Variants in MGAT5 observed in about 807,000 individuals in gnomAD.
The protein encoded by MGAT5 is alpha-1,6-mannosylglycoprotein 6-beta-N-acetylglucosaminyltransferase.
A neutral mutation model predicts 94.3 loss-of-function variants in MGAT5; 30 were observed. The ratio of observed to expected loss-of-function variants is 0.32; its 90% CI spans 0.24 to 0.43. The LOEUF (loss-of-function observed/expected upper bound fraction) is 0.43, where lower values mean the gene tolerates loss of function less well. Among genes scored for constraint, MGAT5 ranks in the 20% least tolerant of loss-of-function variants. The pLI, the probability that MGAT5 is intolerant of heterozygous loss-of-function variation, is 1.00. For synonymous variants in MGAT5, 310 were observed against 322.9 expected, an observed-to-expected ratio of 0.96 and a Z score of 0.43; for missense variants, 691 against 905.5, an observed-to-expected ratio of 0.76 and a Z score of 3.04.
intron 1 of MGAT5, among the ~76,000 whole-genome samples, chr2:134,259,072 A>G (rs755221190): frequency 1.1e-4 from 17 of 152,246 alleles, no homozygotes; most frequent in Non-Finnish European, 1.9e-4. Flanking sequence ...GGCAACTCCA[A>G]AGTGATACTC....
At chr2:134,318,812 GA>G in intron 4 of MGAT5, 73 bp downstream of exon 4, 1 of 1,038,102 alleles carries the variant, frequency 9.6e-7, no homozygotes, top group Non-Finnish European at 1.5e-6. Flanking sequence ...TCTGAAATTT[GA>G]AAAGCTTGAA....
Position 134,441,823 on chromosome 2 carries a change from C to T in MGAT5, c.1935C>T (p.Pro645=), listed in dbSNP as rs148653542. 1.9e-5 allele frequency: 30 copies of T among 1,613,906 alleles called. No individual in the cohort carries two copies. The highest frequency in any genetic ancestry group is 1.6e-4 in the African/African-American group (12 of 74,876). ...CCCTACAGGTCAAGCTTGCTGAGCC[C>T]GGGCAGTCCTGCAAGCAGGTGTGCC... ...LSALQVKLAE[P]GQSCKQVCQE... Residue 645 remains proline, a synonymous_variant, in exon 15 of 16, where the codon CCC becomes CCT. Coordinates refer to ENST00000281923, the MANE Select transcript of MGAT5 (RefSeq NM_002410.5).
intron 1 of MGAT5, among the ~76,000 whole-genome samples, chr2:134,129,302 G>C (rs960563169): frequency 2.8e-4 from 42 of 152,276 alleles, no homozygotes; most frequent in African/African-American, 9.4e-4. Flanking sequence ...TCACCAAGCT[G>C]GGAAAAGTTC....
At chr2:134,130,553 C>CG (rs1686102677) in intron 1 of MGAT5, among the ~76,000 whole-genome samples, 1 of 151,926 alleles carries the variant, frequency 6.6e-6, no homozygotes, top group African/African-American at 2.4e-5. Context: ...GTGTCTGGCT[C>CG]CGGGGTTTGT....
At chr2:134,185,857 G>A (rs1471708339) in intron 1 of MGAT5, among the ~76,000 whole-genome samples, 2 of 152,188 alleles carry the variant, frequency 1.3e-5, no homozygotes, top group East Asian at 3.8e-4. Flanking sequence ...GAGATGCAGA[G>A]GCTGCTGTCC....
intron 1 of MGAT5, among the ~76,000 whole-genome samples, chr2:134,124,094 G>A (rs1334322586): frequency 1.3e-5 from 2 of 152,190 alleles, no homozygotes; most frequent in African/African-American, 4.8e-5. Flanking sequence ...CATCTGCCAT[G>A]TGCTGTGCAC....
chr2:134,434,568 A>G (rs1685066364), intron 14 of MGAT5, among the ~76,000 whole-genome samples: 1 of 152,202 alleles, frequency 6.6e-6, no homozygotes, highest in African/African-American at 2.4e-5. Flanking sequence ...GCTACTGTCA[A>G]AGCCTCAAGA....
At position 134,333,351 on chromosome 2, in the gene MGAT5, G is replaced by C. The variant is rs997735520; in HGVS notation, c.574-2866G>C. On this transcript the variant is annotated intron_variant, in intron 4 of 15. Transcript: ENST00000281923. ...TTGCAAGGACACAAAACCAAACACC[G>C]CATGTTCTCACTCATAGGTGGGAAT... 4.8e-5 allele frequency among the ~76,000 whole-genome samples: 7 copies of C among 145,662 alleles called. No homozygotes were observed. The East Asian group carries it at 6.2e-4, about 13-fold the overall frequency.
At chr2:134,161,756 T>G (rs1687744274) in intron 1 of MGAT5, among the ~76,000 whole-genome samples, 1 of 152,210 alleles carries the variant, frequency 6.6e-6, no homozygotes, top group Admixed American at 6.5e-5. Flanking sequence ...CTCCTTTTGT[T>G]AGAATAGTTT....
chr2:134,285,488 G>C (rs1684946714), intron 2 of MGAT5, among the ~76,000 whole-genome samples: 1 of 151,996 alleles, frequency 6.6e-6, no homozygotes, highest in Non-Finnish European at 1.5e-5. Flanking sequence ...AAACAGAATG[G>C]CTAGGTCAAA....
chr2:134,381,744 T>C (rs1284252558), intron 10 of MGAT5, among the ~76,000 whole-genome samples: 1 of 152,214 alleles, frequency 6.6e-6, no homozygotes, highest in Non-Finnish European at 1.5e-5. Context: ...GGCTCTTAAA[T>C]GCAAGTCTTA....
chr2:134,426,732 T>C (rs986648652), intron 13 of MGAT5, among the ~76,000 whole-genome samples: 11 of 150,180 alleles, frequency 7.3e-5, no homozygotes, highest in Non-Finnish European at 1.5e-4. Context: ...GAAAAAATTT[T>C]ACATTTTGTG....
intron 1 of MGAT5, among the ~76,000 whole-genome samples, chr2:134,201,911 A>C (rs1217149228): frequency 6.8e-6 from 1 of 147,786 alleles, no homozygotes; most frequent in African/African-American, 2.5e-5. Flanking sequence ...GCTCCATGCT[A>C]ATATGTAGTT....
intron 1 of MGAT5, among the ~76,000 whole-genome samples, chr2:134,200,879 G>T (rs1275745527): frequency 6.6e-6 from 1 of 152,068 alleles, no homozygotes; most frequent in Admixed American, 6.5e-5. Context: ...AAAAAAATTA[G>T]CCCAGTGTTG....
chr2:134,290,932 T>A (rs574620920), intron 2 of MGAT5, among the ~76,000 whole-genome samples: 1 of 152,328 alleles, frequency 6.6e-6, no homozygotes, highest in South Asian at 2.1e-4. Context: ...AAGTGCTTAT[T>A]GCGTGTCTTC....
intron 2 of MGAT5, among the ~76,000 whole-genome samples, chr2:134,272,287 ATGGCT>A: frequency 6.6e-6 from 1 of 152,288 alleles, no homozygotes; most frequent in South Asian, 2.1e-4. Flanking sequence ...CTCTAAGCCA[ATGGCT>A]CTGAGCGGGA....
At chr2:134,396,736 C>T (rs918738557) in intron 10 of MGAT5, among the ~76,000 whole-genome samples, 4 of 152,220 alleles carry the variant, frequency 2.6e-5, no homozygotes, top group Non-Finnish European at 4.4e-5. Flanking sequence ...CTTGTATTTA[C>T]TGAGCGCTCG....
chr2:134,322,223 A>C (rs946813865), intron 4 of MGAT5, among the ~76,000 whole-genome samples: 2 of 152,194 alleles, frequency 1.3e-5, no homozygotes, highest in Non-Finnish European at 2.9e-5. Context: ...GTGGGGTGTC[A>C]CTTTGCCTTG....
intron 2 of MGAT5, among the ~76,000 whole-genome samples, chr2:134,283,302 T>C (rs1684812926): frequency 8.1e-6 from 1 of 123,612 alleles, no homozygotes; most frequent in Non-Finnish European, 1.6e-5. Flanking sequence ...GGCTGGCACA[T>C]GGTTAAGTGC....
Sources: gnomAD v4.1 joint callset for allele counts (sites outside exome capture counted in the v4.1 genomes callset) on GRCh38, gnomAD v4.1.1 for gene constraint, MANE v1.5 for transcripts, NCBI Gene and HGNC (gene_info 2026-07-23, HGNC 2026-07-21) for gene names.